The following ACVR1C variants were observed in gnomAD, a reference collection of about 807,000 sequenced individuals.
ACVR1C encodes the protein activin receptor type-1C.
In ACVR1C, 23 loss-of-function variants were observed where a neutral mutation model predicts 57.9. The ratio of observed to expected loss-of-function variants is 0.40; its 90% confidence interval spans 0.29 to 0.56. ACVR1C has a LOEUF of 0.56. Among genes scored for constraint, ACVR1C ranks in the 20% least tolerant of loss-of-function variants. The pLI is 0.50. For synonymous variants in ACVR1C, 214 were observed against 215.3 expected, an observed-to-expected ratio of 0.99 and a Z score of 0.05; for missense variants, 480 against 607.9, an observed-to-expected ratio of 0.79 and a Z score of 2.21.
chr2:157,572,609 G>A (rs1473993997), intron 2 of ACVR1C, among the ~76,000 whole-genome samples: 3 of 152,052 alleles, frequency 2.0e-5, no homozygotes, highest in African/African-American at 7.2e-5. Context: ...ATCTAATATG[G>A]AATCCTCAAT....
chr2:157,566,559 G>C (rs1260903661), intron 2 of ACVR1C, among the ~76,000 whole-genome samples: 1 of 152,164 alleles, frequency 6.6e-6, no homozygotes, highest in Non-Finnish European at 1.5e-5. Context: ...GAAGCACAAG[G>C]GGTCAGGGAG....
At chr2:157,594,489 G>A (rs960868160) in intron 1 of ACVR1C, among the ~76,000 whole-genome samples, 1 of 149,954 alleles carries the variant, frequency 6.7e-6, no homozygotes, top group Admixed American at 6.8e-5. Context: ...TTCAGTGGGT[G>A]AGAGAATTCT....
At chr2:157,597,435 GA>G (rs1682156353) in intron 1 of ACVR1C, 5 of 985,348 alleles carry the variant, frequency 5.1e-6, no homozygotes, top group Non-Finnish European at 6.0e-6. Context: ...TTCGCCTGAT[GA>G]ATTTGCGAAG....
At chr2:157,592,118 C>T (rs575931206) in intron 1 of ACVR1C, among the ~76,000 whole-genome samples, 1 of 152,116 alleles carries the variant, frequency 6.6e-6, no homozygotes, top group Non-Finnish European at 1.5e-5. Flanking sequence ...GAAACAAATT[C>T]TACCTACCTA....
chr2:157,581,517 A>G (rs146143964), intron 2 of ACVR1C, among the ~76,000 whole-genome samples: 1 of 152,244 alleles, frequency 6.6e-6, no homozygotes, highest in East Asian at 1.9e-4. Flanking sequence ...AGCTCTAGTC[A>G]GGAGAAAAAT....
At chr2:157,567,201 C>T (rs1233410384) in intron 2 of ACVR1C, among the ~76,000 whole-genome samples, 3 of 90,624 alleles carry the variant, frequency 3.3e-5, no homozygotes, top group South Asian at 3.2e-4. Flanking sequence ...ACATCTACAC[C>T]GAAAACCCAT....
chr2:157,580,036 CCT>C (rs778136678), intron 2 of ACVR1C, among the ~76,000 whole-genome samples: 18 of 151,810 alleles, frequency 1.2e-4, no homozygotes, highest in Non-Finnish European at 2.5e-4. Context: ...TCACGCACCC[CCT>C]CTCTTCCCCA....
chr2:157,614,386 A>T (rs1005455295), intron 1 of ACVR1C, among the ~76,000 whole-genome samples: 3 of 152,118 alleles, frequency 2.0e-5, no homozygotes, highest in Non-Finnish European at 2.9e-5. Context: ...TTAATTTTTT[A>T]AAAATGTATT....
intron 1 of ACVR1C, among the ~76,000 whole-genome samples, chr2:157,608,932 T>C (rs1289356375): frequency 3.3e-5 from 5 of 151,934 alleles, no homozygotes; most frequent in Admixed American, 2.6e-4. Context: ...CTTCACCTCA[T>C]TGATTCTTTG....
intron 1 of ACVR1C, among the ~76,000 whole-genome samples, chr2:157,587,754 T>C (rs1226119977): frequency 6.6e-6 from 1 of 152,004 alleles, no homozygotes; most frequent in Non-Finnish European, 1.5e-5. Flanking sequence ...TAGGAAACAG[T>C]ATCACAGCAA....
chr2:157,542,579 A>T (rs1687648072), intron 6 of ACVR1C, 127 bp downstream of exon 6: 1 of 1,115,400 alleles, frequency 9.0e-7, no homozygotes, highest in South Asian at 1.7e-5. Context: ...GACCCAGAGA[A>T]GACTTCTGGA....
At chr2:157,586,016 A>G (rs1335406658) in intron 2 of ACVR1C, among the ~76,000 whole-genome samples, 1 of 152,198 alleles carries the variant, frequency 6.6e-6, no homozygotes, top group East Asian at 1.9e-4. Flanking sequence ...ACATGATATT[A>G]CATAACACTG....
intron 2 of ACVR1C, 104 bp from the exon 3 acceptor site, chr2:157,556,436 T>C: frequency 1.4e-6 from 2 of 1,435,432 alleles, no homozygotes; most frequent in Non-Finnish European, 1.9e-6. Context: ...AATATTCAGC[T>C]ACACAGTATG....
Position 157,628,617 on chromosome 2 carries a change from G to A in ACVR1C, c.28C>T (p.Arg10Cys), listed in dbSNP as rs1195626763. Reference sequence around the variant, plus strand: ...GCTGCGAGCAGCAGGAGAGCCTGGCGGAGCGCTGAGCAGAGCGCCCGGGTC... The same window carrying A: ...GCTGCGAGCAGCAGGAGAGCCTGGCAGAGCGCTGAGCAGAGCGCCCGGGTC... MTRALCSAL[R>C]QALLLLAAAA... Residue 10 changes from arginine to cysteine, a missense_variant, in exon 1 of 9, where the codon CGC (arginine) becomes TGC (cysteine). Coordinates refer to ENST00000243349, the MANE Select transcript of ACVR1C (RefSeq NM_145259.3). The A allele has an allele frequency of 6.2e-7, 1 of 1,600,548 alleles. No homozygotes were observed. The highest frequency in any genetic ancestry group is 1.1e-5 in the South Asian group (1 of 89,218).
chr2:157,540,620 G>T (rs1001549975), intron 7 of ACVR1C, among the ~76,000 whole-genome samples: 2 of 152,048 alleles, frequency 1.3e-5, no homozygotes, highest in Non-Finnish European at 2.9e-5. Context: ...TAAACTACTG[G>T]GAGCAGTAAA....
At chr2:157,574,729 A>G (rs886908063) in intron 2 of ACVR1C, among the ~76,000 whole-genome samples, 2 of 152,192 alleles carry the variant, frequency 1.3e-5, no homozygotes, top group Non-Finnish European at 2.9e-5. Flanking sequence ...AAAGGAAACC[A>G]AATAAATCAA....
intron 3 of ACVR1C, among the ~76,000 whole-genome samples, chr2:157,551,255 A>G (rs1470633096): frequency 1.3e-5 from 2 of 152,178 alleles, no homozygotes; most frequent in Non-Finnish European, 2.9e-5. Context: ...TTCATCTGAA[A>G]AACTGGGGAT....
chr2:157,628,782 T>G lies in ACVR1C; in HGVS notation c.-138A>C. 2.9e-6 allele frequency: 2 copies of G among 683,154 alleles called. No homozygotes were observed. Among genetic ancestry groups the G allele is most frequent in the Non-Finnish European group, 2.2e-6 (1 of 448,782 alleles). The allele number at this position is 683,154 out of a possible 1,614,324, so 42.3% of individuals were successfully genotyped here. ...CACCCTTTTGAAGTGCGCGGTTGGC[T>G]CTAGTCAGTGTGGGCGCCCCCCTCC... On this transcript the variant is annotated 5_prime_UTR_variant, in exon 1 of 9. Transcript: ENST00000243349.
At chr2:157,592,930 C>A (rs1422128071) in intron 1 of ACVR1C, among the ~76,000 whole-genome samples, 1 of 152,054 alleles carries the variant, frequency 6.6e-6, no homozygotes. Flanking sequence ...TGGAAAGGGA[C>A]AGCAAATGAG....
Sources: allele counts gnomAD v4.1 joint callset (sites outside exome capture counted in the v4.1 genomes callset), GRCh38; gene constraint gnomAD v4.1.1; transcripts MANE v1.5; gene names NCBI Gene and HGNC (gene_info 2026-07-23, HGNC 2026-07-21).